The following RIMS1 variants were observed in gnomAD, a reference collection of about 807,000 sequenced individuals.
RIMS1 encodes the protein regulating synaptic membrane exocytosis protein 1.
Under a neutral mutation model 214.1 loss-of-function variants are expected in RIMS1, and 83 were observed. That is an observed-to-expected ratio of 0.39 (90% CI 0.32 to 0.47). RIMS1 has a LOEUF of 0.47. Among genes scored for constraint, RIMS1 ranks in the 20% least tolerant of loss-of-function variants. The probability of loss-of-function intolerance (pLI) is 0.99; values close to 1 mark genes in which losing one functional copy is unlikely to be tolerated. For synonymous variants in RIMS1, 793 were observed against 786.8 expected (o/e 1.01, Z -0.13); for missense variants, 2,050 against 2,161.8 (o/e 0.95, Z 1.03).
chr6:72,002,904 C>T (rs1401348413), intron 2 of RIMS1, among the ~76,000 whole-genome samples: 1 of 152,188 alleles, frequency 6.6e-6, no homozygotes, highest in African/African-American at 2.4e-5. Context: ...GAGTAATTGT[C>T]CTTTTACATA....
At chr6:72,083,258 C>A (rs1370758087) in intron 2 of RIMS1, among the ~76,000 whole-genome samples, 6 of 152,156 alleles carry the variant, frequency 3.9e-5, no homozygotes, top group Non-Finnish European at 8.8e-5. Flanking sequence ...AGCCAATTTA[C>A]ATTTATCAGT....
intron 28 of RIMS1, among the ~76,000 whole-genome samples, chr6:72,330,188 CAT>C (rs1359748549): frequency 6.6e-6 from 1 of 151,758 alleles, no homozygotes; most frequent in Non-Finnish European, 1.5e-5. Flanking sequence ...AAATGCATGA[CAT>C]ATTGAGAGGT....
At position 72,164,448 on chromosome 6, in the gene RIMS1, T is replaced by C. The variant is rs370445951; in HGVS notation, c.472-15127T>C. Reference sequence around the variant, plus strand: ...AGTGAGATGAACCCGGTACCTCAATTGGAAATGCAGAAATCACCCGTCTTC... The same window carrying C: ...AGTGAGATGAACCCGGTACCTCAATCGGAAATGCAGAAATCACCCGTCTTC... On this transcript the variant is annotated intron_variant, in intron 4 of 33. Transcript: ENST00000521978. Among the ~76,000 whole-genome samples, 363 of 152,214 alleles carry C rather than the reference T, an allele frequency of 2.4e-3. 1 individual carries two copies. The highest frequency in any genetic ancestry group is 0.02 in the Middle Eastern group (6 of 294).
chr6:72,025,835 A>G (rs1816272854), intron 2 of RIMS1, among the ~76,000 whole-genome samples: 3 of 152,224 alleles, frequency 2.0e-5, no homozygotes, highest in Admixed American at 2.0e-4. Context: ...GCTATATTCA[A>G]CTAAAGACTT....
chr6:72,315,150 C>A (rs2095703963), intron 28 of RIMS1, among the ~76,000 whole-genome samples: 1 of 152,100 alleles, frequency 6.6e-6, no homozygotes, highest in Non-Finnish European at 1.5e-5. Flanking sequence ...TGTATTGGAA[C>A]CAGTGTTACT....
At chr6:71,902,097 T>G (rs1311665553) in intron 1 of RIMS1, among the ~76,000 whole-genome samples, 1 of 152,094 alleles carries the variant, frequency 6.6e-6, no homozygotes, top group East Asian at 1.9e-4. Flanking sequence ...TTAAGAATGT[T>G]TAGAAATCAA....
chr6:72,054,375 T>C (rs1326036871), intron 2 of RIMS1, among the ~76,000 whole-genome samples: 1 of 152,192 alleles, frequency 6.6e-6, no homozygotes, highest in Non-Finnish European at 1.5e-5. Flanking sequence ...TAAACAGTGC[T>C]GCAATAAACA....
chr6:72,124,151 C>A (rs1490549678), intron 4 of RIMS1, among the ~76,000 whole-genome samples: 1 of 151,822 alleles, frequency 6.6e-6, no homozygotes, highest in African/African-American at 2.4e-5. Context: ...TTCAGGAGCT[C>A]TTTTAGGGCA....
At chr6:72,003,038 C>A (rs1805850936) in intron 2 of RIMS1, among the ~76,000 whole-genome samples, 1 of 152,128 alleles carries the variant, frequency 6.6e-6, no homozygotes, top group African/African-American at 2.4e-5. Context: ...TTCTCCAGAG[C>A]AGTCAGCTTA....
At chr6:72,322,781 A>G (rs2096242755) in intron 28 of RIMS1, among the ~76,000 whole-genome samples, 1 of 152,128 alleles carries the variant, frequency 6.6e-6, no homozygotes, top group Admixed American at 6.6e-5. Flanking sequence ...GTAAGCAGAG[A>G]GCAGTGTTCT....
At chr6:72,339,096 T>A (rs2154351743) in intron 29 of RIMS1, among the ~76,000 whole-genome samples, 1 of 151,744 alleles carries the variant, frequency 6.6e-6, no homozygotes, top group East Asian at 2.0e-4. Flanking sequence ...AAAAGACAAT[T>A]ATATTAAATA....
At chr6:71,951,563 T>C (rs2151133851) in intron 1 of RIMS1, among the ~76,000 whole-genome samples, 1 of 150,250 alleles carries the variant, frequency 6.7e-6, no homozygotes, top group East Asian at 2.0e-4. Flanking sequence ...CAGTCATGGC[T>C]CACTGCAGCC....
chr6:72,204,357 A>G (rs1206279471), intron 6 of RIMS1, among the ~76,000 whole-genome samples: 1 of 152,230 alleles, frequency 6.6e-6, no homozygotes, highest in Admixed American at 6.5e-5. Context: ...ATCATTATAT[A>G]CAGAATGAAA....
intron 29 of RIMS1, among the ~76,000 whole-genome samples, chr6:72,369,217 G>A (rs1031136637): frequency 6.6e-6 from 1 of 151,774 alleles, no homozygotes; most frequent in African/African-American, 2.4e-5. Flanking sequence ...ATCTCAATAT[G>A]GGAAGACCAA....
At chr6:71,919,454 A>G (rs966557430) in intron 1 of RIMS1, among the ~76,000 whole-genome samples, 3 of 152,022 alleles carry the variant, frequency 2.0e-5, no homozygotes, top group Admixed American at 6.6e-5. Flanking sequence ...CGGTTTTGGC[A>G]TATTGAAATG....
At chr6:72,189,093 G>T (rs2049615950) in intron 6 of RIMS1, among the ~76,000 whole-genome samples, 1 of 152,168 alleles carries the variant, frequency 6.6e-6, no homozygotes, top group Non-Finnish European at 1.5e-5. Context: ...GGGTCTCTAG[G>T]GATGATGGTG....
chr6:72,024,712 C>A (rs1815808220), intron 2 of RIMS1, among the ~76,000 whole-genome samples: 1 of 151,980 alleles, frequency 6.6e-6, no homozygotes, highest in African/African-American at 2.4e-5. Context: ...TACTCTATAA[C>A]AAGCAAATAT....
chr6:72,335,944 T>A (rs2154345943), intron 29 of RIMS1, among the ~76,000 whole-genome samples: 1 of 152,090 alleles, frequency 6.6e-6, no homozygotes, highest in South Asian at 2.1e-4. Context: ...TAAATTTGTT[T>A]AAGTTCTTTC....
At chr6:72,267,541 T>G (rs2081154175) in intron 22 of RIMS1, among the ~76,000 whole-genome samples, 1 of 152,146 alleles carries the variant, frequency 6.6e-6, no homozygotes, top group South Asian at 2.1e-4. Flanking sequence ...TACAAACTAT[T>G]AGATATTTTG....
Sources: allele counts gnomAD v4.1 joint callset (sites outside exome capture counted in the v4.1 genomes callset), GRCh38; gene constraint gnomAD v4.1.1; transcripts MANE v1.5; gene names NCBI Gene and HGNC (gene_info 2026-07-23, HGNC 2026-07-21).